Variants in SLC22A23 observed in about 807,000 individuals in gnomAD.
SLC22A23 encodes solute carrier family 22 member 23.
A neutral mutation model predicts 61.0 loss-of-function variants in SLC22A23; 26 were observed. The observed-to-expected ratio is 0.43, with a 90% CI of 0.31 to 0.59. The LOEUF is 0.59. SLC22A23 is among the 20% of genes least tolerant of loss of function. The pLI is 0.11. For missense variants in SLC22A23, 796 were observed against 934.7 expected (o/e 0.85, Z 1.94); for synonymous variants, 430 against 413.9 (o/e 1.04, Z -0.47).
rs1293567056 is a variant in SLC22A23, at chr6:3,427,626, T to C, written c.655-11771A>G. ...CCTCCCACCACCTCTCAGGATGCCG[T>C]GCCCTTCACTTTGACCTCCTCAGCA... On this transcript the variant is annotated intron_variant, in intron 1 of 9. Transcript: ENST00000406686. The surrounding 1 kb of genome is among the most constrained non-coding windows in gnomAD (Gnocchi z 4.3). Among the ~76,000 whole-genome samples the C allele has an allele frequency of 6.6e-6, 1 of 151,988 alleles. No homozygotes were observed. Among genetic ancestry groups the C allele is most frequent in the East Asian group, 1.9e-4 (1 of 5,170 alleles).
intron 1 of SLC22A23, chr6:3,432,211 C>T: frequency 1.0e-6 from 1 of 985,368 alleles, no homozygotes; most frequent in East Asian, 1.1e-4. Context: ...TTGCCCACGC[C>T]TCTGCTCCCT....
chr6:3,444,186 C>T (rs79161207), intron 1 of SLC22A23, among the ~76,000 whole-genome samples: 1,640 of 152,246 alleles, frequency 0.011, 38 homozygotes, highest in African/African-American at 0.036. Context: ...ACTCAACAGC[C>T]CCTGCCCTTT....
At chr6:3,285,695 G>A (rs942275940) in intron 7 of SLC22A23, among the ~76,000 whole-genome samples, 3 of 152,246 alleles carry the variant, frequency 2.0e-5, no homozygotes, top group Admixed American at 6.5e-5. Flanking sequence ...AAGCCTAACA[G>A]CAGTCTCCCA....
rs1267182592 is a variant in SLC22A23, at chr6:3,328,070, C to T, written c.914-4068G>A. On this transcript the variant is annotated intron_variant, in intron 3 of 9. Coordinates refer to ENST00000406686, the MANE Select transcript of SLC22A23 (RefSeq NM_015482.2). The surrounding 1 kb of genome is among the most constrained non-coding windows in gnomAD (Gnocchi z 5.0). ...TTGGTCTCATTCGACATGGTGAGATCCTGTCTCTAAAAAACAACCAACCAA... is the reference window on the plus strand; with the variant it reads ...TTGGTCTCATTCGACATGGTGAGATTCTGTCTCTAAAAAACAACCAACCAA... 6.6e-6 allele frequency among the ~76,000 whole-genome samples: 1 copy of T among 151,782 alleles called. No individual in the cohort carries two copies. Among genetic ancestry groups the T allele is most frequent in the Non-Finnish European group, 1.5e-5 (1 of 67,996 alleles).
intron 3 of SLC22A23, among the ~76,000 whole-genome samples, chr6:3,400,131 G>C (rs1768284912): frequency 6.6e-6 from 1 of 152,186 alleles, no homozygotes; most frequent in East Asian, 1.9e-4. Context: ...ACCCGCCTCG[G>C]CCTCCCAAAG....
chr6:3,406,338 T>C (rs1768825058), intron 3 of SLC22A23, among the ~76,000 whole-genome samples: 1 of 152,214 alleles, frequency 6.6e-6, no homozygotes, highest in African/African-American at 2.4e-5. Flanking sequence ...ACCTTGTCTG[T>C]GATATTATGG....
At position 3,323,983 on chromosome 6, in the gene SLC22A23, A is replaced by C. The variant is rs1219467866; in HGVS notation, c.933T>G (p.Pro311=). 6.2e-7 allele frequency: 1 copy of C among 1,614,060 alleles called. No homozygotes were observed. ...LYALRIELCP[P]GKRFMITMVA... is the part of the protein sequence containing the mutation. ...CCATCGTAATCATGAACCGTTTTCC[A>C]GGGGGGCACAGCTCTATTCCTAGAA... is the stretch of plus-strand genomic sequence containing the variant. The change falls in exon 4 of 10, where the codon CCT becomes CCG. Residue 311 remains proline (P), a synonymous_variant. Transcript: ENST00000406686.
intron 3 of SLC22A23, among the ~76,000 whole-genome samples, chr6:3,367,392 C>T (rs1026426026): frequency 3.3e-5 from 5 of 152,218 alleles, no homozygotes; most frequent in African/African-American, 1.2e-4. Context: ...AATGTCTATT[C>T]CAATATGCCA....
intron 1 of SLC22A23, among the ~76,000 whole-genome samples, chr6:3,440,164 C>T (rs1331652999): frequency 6.6e-6 from 1 of 152,186 alleles, no homozygotes; most frequent in Non-Finnish European, 1.5e-5. Context: ...TTGGGGAATG[C>T]ACAGGCCTAG....
rs150668878 is a variant in SLC22A23 at position 3,304,813 on chromosome 6, C to T, written c.1083-6595G>A. Among the ~76,000 whole-genome samples the T allele has an allele frequency of 1.8e-4, 27 of 152,138 alleles. No homozygotes were observed. Among genetic ancestry groups the T allele is most frequent in the African/African-American group, 2.9e-4 (12 of 41,480 alleles). ...AGAGGTAAGGCATGGGGTTGTGGGA[C>T]GGTGCATTTGTTGTGTTCAGAGAGC... On this transcript the variant is annotated intron_variant, in intron 4 of 9. Transcript: ENST00000406686. This position sits in a 1 kb window ranked among gnomAD's most constrained non-coding sequence, Gnocchi z 4.3.
intron 1 of SLC22A23, among the ~76,000 whole-genome samples, chr6:3,426,794 C>T (rs904802322): frequency 2.0e-5 from 3 of 152,234 alleles, no homozygotes; most frequent in African/African-American, 7.2e-5. Flanking sequence ...AAGCTGGAGG[C>T]TGCCCTGGGC....
Position 3,286,837 on chromosome 6 carries a change from C to G in SLC22A23, c.1546+22G>C. The G allele has an allele frequency of 6.4e-7, 1 of 1,562,630 alleles. No individual in the cohort carries two copies. Among genetic ancestry groups the G allele is most frequent in the Non-Finnish European group, 8.7e-7 (1 of 1,152,152 alleles). On this transcript the variant is annotated intron_variant, in intron 7 of 9. Coordinates refer to ENST00000406686, the MANE Select transcript of SLC22A23 (RefSeq NM_015482.2). This position sits in a 1 kb window ranked among gnomAD's most constrained non-coding sequence, Gnocchi z 4.2. ...TGCCAGCTTCCCTCCCTGCACCCAG[C>G]CCACCTCCCCGACCCACTCACGGTT...
chr6:3,357,056 CAAAAAAAAAA>C (rs66509026), intron 3 of SLC22A23, among the ~76,000 whole-genome samples: 20 of 86,066 alleles, frequency 2.3e-4, no homozygotes, highest in Admixed American at 5.5e-4. Context: ...AAAACAGAGC[CAAAAAAAAAA>C]AAAAAAAAAA....
chr6:3,452,410 T>C (rs1772193100), intron 1 of SLC22A23, among the ~76,000 whole-genome samples: 1 of 151,706 alleles, frequency 6.6e-6, no homozygotes, highest in Non-Finnish European at 1.5e-5. Context: ...CTGGGCAATA[T>C]AGCAAGACCC....
At chr6:3,273,881 ACTTTCT>A (rs1165712048) in intron 9 of SLC22A23, among the ~76,000 whole-genome samples, 1 of 152,174 alleles carries the variant, frequency 6.6e-6, no homozygotes, top group Non-Finnish European at 1.5e-5. Context: ...ACGAACAGAG[ACTTTCT>A]CTTTGTCATA....
chr6:3,335,856 G>C (rs547713727), intron 3 of SLC22A23, among the ~76,000 whole-genome samples: 1 of 152,214 alleles, frequency 6.6e-6, no homozygotes, highest in Admixed American at 6.5e-5. Flanking sequence ...TTGGGAGGCC[G>C]AGGCGGGCGG....
chr6:3,451,347 C>A (rs574299399), intron 1 of SLC22A23, among the ~76,000 whole-genome samples: 3 of 152,312 alleles, frequency 2.0e-5, no homozygotes, highest in African/African-American at 7.2e-5. Flanking sequence ...GAGGCGTGCG[C>A]CACCACGCCC....
chr6:3,273,251 C>G lies in SLC22A23; in HGVS notation c.1865G>C (p.Arg622Thr). ...AATGTTCTCAGGCAGGTTCTGGTCC[C>G]TGCTCTCGGGCAGCAGGAGGATGCA... ...IICILLLPESRDQNLPENISN... is the reference protein window; with the variant it reads ...IICILLLPESTDQNLPENISN... Residue 622 changes from arginine to threonine, a missense_variant, in exon 10 of 10, where the codon AGG (arginine) becomes ACG (threonine). Transcript: ENST00000406686. 6.2e-7 allele frequency: 1 copy of G among 1,613,212 alleles called. No individual in the cohort carries two copies. Among genetic ancestry groups the G allele is most frequent in the Non-Finnish European group, 8.5e-7 (1 of 1,179,288 alleles).
rs530557521 is a variant in SLC22A23 at position 3,415,377 on chromosome 6, T to A, written c.758+375A>T. Reference sequence around the variant, plus strand: ...TCGCATGGGGGAAGGGTCTTTAGCTTCCCCATCCCCTATTTTTTAATGCAT... The same window carrying A: ...TCGCATGGGGGAAGGGTCTTTAGCTACCCCATCCCCTATTTTTTAATGCAT... On this transcript the variant is annotated intron_variant, in intron 2 of 9. Transcript: ENST00000406686. 2.0e-5 allele frequency among the ~76,000 whole-genome samples: 3 copies of A among 152,258 alleles called. No homozygotes were observed. In the South Asian group the frequency reaches 6.2e-4, roughly 32 times the overall value.
Sources: allele counts gnomAD v4.1 joint callset (sites outside exome capture counted in the v4.1 genomes callset), GRCh38; gene constraint gnomAD v4.1.1; non-coding constraint Gnocchi (gnomAD v3.1); transcripts MANE v1.5; gene names NCBI Gene and HGNC (gene_info 2026-07-23, HGNC 2026-07-21).